The following CCDC39 variants were observed in gnomAD, a reference collection of about 807,000 sequenced individuals.
CCDC39 encodes the protein coiled-coil domain 39 molecular ruler complex subunit, also known as coiled-coil domain-containing protein 39.
In CCDC39, 113 loss-of-function variants were observed where a neutral mutation model predicts 121.0. That is an observed-to-expected ratio of 0.93 (90% CI 0.80 to 1.09). The LOEUF (loss-of-function observed/expected upper bound fraction) is 1.09. Among genes scored for constraint, CCDC39 ranks in the 50% least tolerant of loss-of-function variants. The probability of loss-of-function intolerance (pLI) is 0.00; values close to 1 mark genes in which losing one functional copy is unlikely to be tolerated. For synonymous variants in CCDC39, 349 were observed against 352.2 expected, an observed-to-expected ratio of 0.99 and a Z score of 0.10; for missense variants, 1,063 against 1,074.7, an observed-to-expected ratio of 0.99 and a Z score of 0.15.
chr3:180,659,422 AACATT>A (rs767123822), intron 6 of CCDC39, 25 bp downstream of exon 6: 23 of 1,608,380 alleles, frequency 1.4e-5, no homozygotes, highest in Non-Finnish European at 1.8e-5. Context: ...AATGCAGCTG[AACATT>A]ACAAGGACCA....
chr3:180,625,729 T>G (rs976366497), intron 14 of CCDC39, among the ~76,000 whole-genome samples: 7 of 152,066 alleles, frequency 4.6e-5, no homozygotes, highest in African/African-American at 1.7e-4. Context: ...CTTTGTATGA[T>G]TTCTTAGGCA....
At chr3:180,623,193 T>C (rs1018657770) in intron 14 of CCDC39, among the ~76,000 whole-genome samples, 1 of 151,450 alleles carries the variant, frequency 6.6e-6, no homozygotes, top group African/African-American at 2.4e-5. Context: ...GGAGGGTGTA[T>C]TATATGTTTC....
chr3:180,646,105 G>A (rs1463960156), intron 11 of CCDC39, among the ~76,000 whole-genome samples: 1 of 151,974 alleles, frequency 6.6e-6, no homozygotes, highest in African/African-American at 2.4e-5. Flanking sequence ...TTTAATAGAC[G>A]AGTAAACTAG....
chr3:180,651,274 T>C lies in CCDC39; in HGVS notation c.1167+127A>G. On this transcript the variant is annotated intron_variant, in intron 9 of 19. Transcript: ENST00000476379. ...TGAGAAGAGGTCCAAAACCAGATTA[T>C]AAATGTGATCATACCAAAAAGCAGA... 3 of 711,410 alleles carry C rather than the reference T, an allele frequency of 4.2e-6. No individual in the cohort carries two copies. The Admixed American group carries it at 9.1e-5, about 22-fold the overall frequency. The allele number at this position is 711,410 out of a possible 1,614,324, so 44.1% of individuals were successfully genotyped here. A position where few individuals can be genotyped will look rare whatever the true frequency, so the allele number is the denominator to read the frequency against.
At chr3:180,674,209 G>A (rs1361962160) in intron 1 of CCDC39, among the ~76,000 whole-genome samples, 1 of 152,060 alleles carries the variant, frequency 6.6e-6, no homozygotes, top group Admixed American at 6.6e-5. Context: ...TTGTAAGTTG[G>A]ATTCCTAGAT....
intron 14 of CCDC39, among the ~76,000 whole-genome samples, chr3:180,623,915 T>C (rs1717493353): frequency 6.6e-6 from 1 of 152,066 alleles, no homozygotes; most frequent in African/African-American, 2.4e-5. Context: ...AGTCGTTGGG[T>C]AGAATGTTCT....
intron 15 of CCDC39, 85 bp downstream of exon 15, chr3:180,619,726 G>C: frequency 1.2e-6 from 1 of 821,748 alleles, no homozygotes; most frequent in African/African-American, 1.8e-5. Flanking sequence ...GTTTGCTTTT[G>C]TTCTTCCTCA....
At chr3:180,619,223 T>G (rs1427864944) in intron 16 of CCDC39, 36 bp downstream of exon 16, 3 of 943,080 alleles carry the variant, frequency 3.2e-6, no homozygotes, top group African/African-American at 1.6e-5. Context: ...TGACTTTTAT[T>G]GAAGGCATAT....
chr3:180,671,149 T>C (rs1712032790), intron 1 of CCDC39, among the ~76,000 whole-genome samples: 1 of 149,110 alleles, frequency 6.7e-6, no homozygotes, highest in African/African-American at 2.5e-5. Context: ...AGGCAGAGGT[T>C]GCAGTGAGCC....
Position 180,659,674 on chromosome 3 carries a change from A to G in CCDC39, c.609+3T>C, listed in dbSNP as rs761548484. 3.9e-5 allele frequency: 63 copies of G among 1,607,464 alleles called. No individual in the cohort carries two copies. In the Middle Eastern group the frequency reaches 5.0e-4, roughly 13 times the overall value. On this transcript the variant is annotated splice_donor_region_variant and intron_variant, in intron 5 of 19. Transcript: ENST00000476379. ...AAGAAATAAAAATCTTCCTTAAACT[A>G]ACCTGTGCGCTTATAGTCTCTGTAA...
chr3:180,631,239 C>T (rs1717686723), intron 14 of CCDC39, among the ~76,000 whole-genome samples: 1 of 146,066 alleles, frequency 6.8e-6, no homozygotes, highest in Non-Finnish European at 1.5e-5. Flanking sequence ...CTTGACCTCA[C>T]GGACTAGAGG....
intron 7 of CCDC39, among the ~76,000 whole-genome samples, chr3:180,652,767 C>A (rs535223524): frequency 1.3e-5 from 2 of 151,820 alleles, no homozygotes; most frequent in Non-Finnish European, 2.9e-5. Flanking sequence ...TTGCAAAAAC[C>A]CTAAACTCTC....
At chr3:180,673,162 T>A (rs1014290955) in intron 1 of CCDC39, among the ~76,000 whole-genome samples, 1 of 152,230 alleles carries the variant, frequency 6.6e-6, no homozygotes, top group Non-Finnish European at 1.5e-5. Flanking sequence ...GTGAACATTG[T>A]TGAAATTACA....
chr3:180,616,246 G>C, intron 19 of CCDC39, 35 bp downstream of exon 19: 1 of 1,584,034 alleles, frequency 6.3e-7, no homozygotes, highest in Non-Finnish European at 8.7e-7. Context: ...ACAGCTGTGA[G>C]AGTTAAGCAG....
chr3:180,638,840 A>G (rs1158890461), intron 13 of CCDC39, among the ~76,000 whole-genome samples: 1 of 152,160 alleles, frequency 6.6e-6, no homozygotes, highest in East Asian at 1.9e-4. Flanking sequence ...AAAATTCAGT[A>G]AAAACAATGA....
chr3:180,643,437 G>C (rs1465322884), intron 12 of CCDC39, among the ~76,000 whole-genome samples: 1 of 152,080 alleles, frequency 6.6e-6, no homozygotes, highest in East Asian at 1.9e-4. Context: ...GTTTGAAAAT[G>C]TATCATTAAA....
chr3:180,647,055 T>C, intron 11 of CCDC39, 24 bp downstream of exon 11: 1 of 1,594,124 alleles, frequency 6.3e-7, no homozygotes, highest in Non-Finnish European at 8.5e-7. Context: ...ATTTGAAATA[T>C]AAAATGTATT....
At chr3:180,615,167 ATAAG>A in intron 19 of CCDC39, 90 bp from the exon 20 acceptor site, 1 of 938,242 alleles carries the variant, frequency 1.1e-6, no homozygotes, top group Non-Finnish European at 1.6e-6. Flanking sequence ...CCATAATTCC[ATAAG>A]TAAAGACATC....
At chr3:180,628,856 C>G (rs907482176) in intron 14 of CCDC39, among the ~76,000 whole-genome samples, 3 of 152,136 alleles carry the variant, frequency 2.0e-5, no homozygotes, top group Non-Finnish European at 1.5e-5. Context: ...CTATTACCCA[C>G]AGCCATAAAC....
Sources: allele counts gnomAD v4.1 joint callset (sites outside exome capture counted in the v4.1 genomes callset), GRCh38; gene constraint gnomAD v4.1.1; transcripts MANE v1.5; gene names NCBI Gene and HGNC (gene_info 2026-07-23, HGNC 2026-07-21).